The following ARHGAP21 variants were observed in gnomAD, a reference collection of about 807,000 sequenced individuals.
ARHGAP21 encodes rho GTPase-activating protein 21.
ARHGAP21 carries 38 observed loss-of-function variants against 164.6 expected under a neutral mutation model. That is an observed-to-expected ratio of 0.23 (90% confidence interval 0.18 to 0.30). ARHGAP21 has a LOEUF of 0.30. ARHGAP21 is among the 10% of genes least tolerant of loss of function. The pLI is 1.00. For missense variants in ARHGAP21, 1,822 were observed against 2,370.7 expected (o/e 0.77, Z 4.81); for synonymous variants, 766 against 857.9 (o/e 0.89, Z 1.87).
At chr10:24,633,090 ATATATTAAAAACAAATTATACATTTG>A (rs1835997835) in intron 6 of ARHGAP21, among the ~76,000 whole-genome samples, 1 of 152,244 alleles carries the variant, frequency 6.6e-6, no homozygotes, top group Admixed American at 6.5e-5. Flanking sequence ...GCATTTATTT[ATATATTAAAAACAAATTATACATTTG>A]TCACTTCAAA....
At chr10:24,589,760 C>G (rs2076256508) in intron 24 of ARHGAP21, 1 of 161,818 alleles carries the variant, frequency 6.2e-6, no homozygotes, top group African/African-American at 2.4e-5. Context: ...TGATTTTTGT[C>G]AGACTTAAAT....
Position 24,583,994 on chromosome 10 carries a change from G to T in ARHGAP21, c.*418C>A, listed in dbSNP as rs3184324. The T allele has an allele frequency of 6.6e-6, 1 of 152,574 alleles. No homozygotes were observed. The highest frequency in any genetic ancestry group is 1.5e-5 in the Non-Finnish European group (1 of 68,074). The allele number at this position is 152,574 out of a possible 1,614,324, so 9.5% of individuals were successfully genotyped here. ...TAATGATATCTGTTACCAATAAAAC[G>T]CATTCGTTTATTCAATGTAAGTAAG... On this transcript the variant is annotated 3_prime_UTR_variant, in exon 26 of 26. Coordinates refer to ENST00000396432, the MANE Select transcript of ARHGAP21 (RefSeq NM_020824.4).
chr10:24,697,639 T>C (rs956146686), intron 2 of ARHGAP21, among the ~76,000 whole-genome samples: 11 of 151,998 alleles, frequency 7.2e-5, no homozygotes, highest in African/African-American at 2.2e-4. Context: ...GGTGGATCAC[T>C]TGAGGTCAGG....
chr10:24,624,118 C>A (rs1214113214), intron 7 of ARHGAP21, among the ~76,000 whole-genome samples: 2 of 152,104 alleles, frequency 1.3e-5, no homozygotes, highest in African/African-American at 4.8e-5. Context: ...GAAATCCATA[C>A]AAATGCAGGC....
At chr10:24,672,505 T>G (rs1014693635) in intron 2 of ARHGAP21, among the ~76,000 whole-genome samples, 3 of 152,222 alleles carry the variant, frequency 2.0e-5, no homozygotes, top group Non-Finnish European at 4.4e-5. Context: ...CCGTCTAATA[T>G]GCAAATTATT....
intron 2 of ARHGAP21, among the ~76,000 whole-genome samples, chr10:24,717,394 A>T (rs1845488878): frequency 6.6e-6 from 1 of 152,222 alleles, no homozygotes; most frequent in African/African-American, 2.4e-5. Context: ...AGGGACTGCA[A>T]TCCAAGGGGG....
intron 2 of ARHGAP21, among the ~76,000 whole-genome samples, chr10:24,685,782 A>T (rs1396851684): frequency 1.3e-5 from 2 of 152,202 alleles, no homozygotes; most frequent in Admixed American, 6.5e-5. Context: ...AGGCTGAGGC[A>T]GGAGAATCGC....
intron 2 of ARHGAP21, among the ~76,000 whole-genome samples, chr10:24,717,563 C>G (rs1471379755): frequency 6.6e-6 from 1 of 151,900 alleles, no homozygotes; most frequent in African/African-American, 2.4e-5. Context: ...AGCCATGGAG[C>G]AGAGGGAGGA....
intron 4 of ARHGAP21, among the ~76,000 whole-genome samples, chr10:24,662,953 C>T (rs1041341998): frequency 7.2e-6 from 1 of 139,070 alleles, no homozygotes; most frequent in Admixed American, 7.9e-5. Context: ...TTGAACTCTG[C>T]AGATATGCGG....
In ARHGAP21 at chr10:24,642,251, C is replaced by T. The variant is rs564339426; in HGVS notation, c.269-7148G>A. Among the ~76,000 whole-genome samples, 6 of 152,204 alleles carry T rather than the reference C, an allele frequency of 3.9e-5. 1 individual carries two copies. In the South Asian group the frequency reaches 1.2e-3, roughly 32 times the overall value. On this transcript the variant is annotated intron_variant, in intron 4 of 25. Coordinates refer to ENST00000396432, the MANE Select transcript of ARHGAP21 (RefSeq NM_020824.4). ...TTCTTAAAAGCAAGAAACAGGGGCT[C>T]ACGCCTGTAATCCCAGCACTTTGGG...
chr10:24,690,825 C>A (rs1331543608), intron 2 of ARHGAP21, among the ~76,000 whole-genome samples: 1 of 96,568 alleles, frequency 1.0e-5, no homozygotes, highest in Non-Finnish European at 2.2e-5. Flanking sequence ...GAGACTCCAT[C>A]TCAAAAAAAA....
chr10:24,715,661 CAGG>C (rs1449785407), intron 2 of ARHGAP21, among the ~76,000 whole-genome samples: 4 of 152,030 alleles, frequency 2.6e-5, no homozygotes, highest in African/African-American at 9.7e-5. Flanking sequence ...TTAAGGTGGG[CAGG>C]AGGTCTAAGG....
In ARHGAP21 at chr10:24,584,475, A is replaced by G. The variant is rs2135601873; in HGVS notation, c.5814T>C (p.Asn1938=). ...NVSKNASSAA[N]AQPHKLSETP... ...TTTCAGACAGTTTATGAGGTTGGGCATTCGCTGCAGAACTAGCATTTTTGC... is the reference window on the plus strand; with the variant it reads ...TTTCAGACAGTTTATGAGGTTGGGCGTTCGCTGCAGAACTAGCATTTTTGC... The change falls in exon 26 of 26, where the codon AAT becomes AAC. Residue 1938 remains asparagine (N), a synonymous_variant. Coordinates refer to ENST00000396432, the MANE Select transcript of ARHGAP21 (RefSeq NM_020824.4). 6.2e-7 allele frequency: 1 copy of G among 1,613,978 alleles called. No individual in the cohort carries two copies. The highest frequency in any genetic ancestry group is 2.2e-5 in the East Asian group (1 of 44,882).
At chr10:24,612,270 T>C (rs2077296412) in intron 9 of ARHGAP21, among the ~76,000 whole-genome samples, 1 of 152,192 alleles carries the variant, frequency 6.6e-6, no homozygotes, top group African/African-American at 2.4e-5. Context: ...ATTGAAGGAA[T>C]ATTAACACTA....
At chr10:24,684,841 G>A (rs1468343864) in intron 2 of ARHGAP21, among the ~76,000 whole-genome samples, 14 of 152,028 alleles carry the variant, frequency 9.2e-5, no homozygotes, top group African/African-American at 3.4e-4. Flanking sequence ...GTTTCACCAC[G>A]TTTGCCAGGC....
rs2076344680 is a variant in ARHGAP21 at position 24,591,824 on chromosome 10, C to G, written c.4002+63G>C. 4.4e-6 allele frequency: 7 copies of G among 1,589,430 alleles called. No individual in the cohort carries two copies. The East Asian group carries it at 1.6e-4, about 36-fold the overall frequency. ...TCTGTCTGACCAAATAGCGGCTGCCCGTGAAAATGAATTTTCTTGCAGAGA... is the reference window on the plus strand; with the variant it reads ...TCTGTCTGACCAAATAGCGGCTGCCGGTGAAAATGAATTTTCTTGCAGAGA... On this transcript the variant is annotated intron_variant, in intron 22 of 25. Transcript: ENST00000396432.
rs1402620335 is a variant in ARHGAP21 at position 24,596,741 on chromosome 10, C to T, written c.3476G>A (p.Arg1159Gln). 5.6e-6 allele frequency: 9 copies of T among 1,613,474 alleles called. No individual in the cohort carries two copies. The highest frequency in any genetic ancestry group is 7.6e-6 in the Non-Finnish European group (9 of 1,179,804). The change falls in exon 17 of 26, where the codon CGG becomes CAG. Residue 1159 changes from arginine to glutamine, a missense_variant and splice_region_variant. Around this residue, in one of 5 missense-constraint regions of ARHGAP21, gnomAD observed 117 missense variants for 238.1 expected, o/e 0.49. Coordinates refer to ENST00000396432, the MANE Select transcript of ARHGAP21 (RefSeq NM_020824.4). ...LDDCPPAHTN[R>Q]YIPLIVDICC... Reference sequence around the variant, plus strand: ...ATCCGGTGGGCTGGTGTCTCCTACCCGATTAGTATGAGCTGGTGGGCAGTC... The same window carrying T: ...ATCCGGTGGGCTGGTGTCTCCTACCTGATTAGTATGAGCTGGTGGGCAGTC...
intron 4 of ARHGAP21, among the ~76,000 whole-genome samples, chr10:24,639,919 C>A (rs1172882312): frequency 6.7e-6 from 1 of 149,014 alleles, no homozygotes; most frequent in African/African-American, 2.4e-5. Context: ...ATTAAGTATA[C>A]AAAAAAAAAC....
intron 13 of ARHGAP21, 143 bp from the exon 14 acceptor site, chr10:24,601,073 T>C (rs2076794629): frequency 1.1e-6 from 1 of 947,458 alleles, no homozygotes; most frequent in African/African-American, 1.7e-5. Context: ...ACATTATTTG[T>C]GAGGAGAGGA....
Sources: allele counts gnomAD v4.1 joint callset (sites outside exome capture counted in the v4.1 genomes callset), GRCh38; gene constraint gnomAD v4.1.1; regional missense constraint gnomAD v4.1.1; transcripts MANE v1.5; gene names NCBI Gene and HGNC (gene_info 2026-07-23, HGNC 2026-07-21).